The following ALK variants were observed in gnomAD, a reference collection of about 807,000 sequenced individuals.
The protein encoded by ALK is ALK receptor tyrosine kinase.
A neutral mutation model predicts 163.1 loss-of-function variants in ALK; 74 were observed. That is an observed-to-expected ratio of 0.45 (90% CI 0.38 to 0.55). The LOEUF (loss-of-function observed/expected upper bound fraction) is 0.55, where lower values mean the gene tolerates loss of function less well. ALK is among the 20% of genes least tolerant of loss of function. The pLI, the probability that ALK is intolerant of heterozygous loss-of-function variation, is 0.00. For synonymous variants in ALK, 960 were observed against 843.2 expected (o/e 1.14, Z -2.40); for missense variants, 2,063 against 2,105.3 (o/e 0.98, Z 0.39).
chr2:29,437,146 T>C (rs1427712518), intron 4 of ALK, among the ~76,000 whole-genome samples: 11 of 152,174 alleles, frequency 7.2e-5, no homozygotes, highest in Non-Finnish European at 1.3e-4. Flanking sequence ...TTGGGGAGTC[T>C]TGGAGGACAT....
At chr2:29,601,951 G>A (rs1558403642) in intron 3 of ALK, among the ~76,000 whole-genome samples, 1 of 152,074 alleles carries the variant, frequency 6.6e-6, no homozygotes, top group East Asian at 1.9e-4. Flanking sequence ...GACACCTGAA[G>A]GTGGGGGCGG....
intron 3 of ALK, among the ~76,000 whole-genome samples, chr2:29,591,051 A>G (rs1675040947): frequency 7.5e-6 from 1 of 132,698 alleles, no homozygotes; most frequent in African/African-American, 3.0e-5. Context: ...AACCTGGGAG[A>G]CACAGCGAGA....
intron 12 of ALK, among the ~76,000 whole-genome samples, chr2:29,244,673 G>A (rs1664611870): frequency 6.6e-6 from 1 of 152,246 alleles, no homozygotes; most frequent in African/African-American, 2.4e-5. Context: ...GTCACATGGA[G>A]CATCGGTGGT....
At chr2:29,868,853 G>GC (rs1183704219) in intron 1 of ALK, among the ~76,000 whole-genome samples, 1 of 5,668 alleles carries the variant, frequency 1.8e-4, no homozygotes, top group Non-Finnish European at 5.0e-4. Flanking sequence ...TAGCTACTGA[G>GC]GTAACATATA....
intron 4 of ALK, among the ~76,000 whole-genome samples, chr2:29,461,441 T>G (rs1671081336): frequency 1.3e-5 from 2 of 152,208 alleles, no homozygotes; most frequent in African/African-American, 2.4e-5. Context: ...AGTCTGACTC[T>G]TTTGTTAAGG....
At chr2:29,205,407 G>A (rs1170503170) in intron 26 of ALK, among the ~76,000 whole-genome samples, 1 of 151,362 alleles carries the variant, frequency 6.6e-6, no homozygotes, top group Non-Finnish European at 1.5e-5. Context: ...TGTGACTGTT[G>A]TAAAAAACAA....
intron 4 of ALK, among the ~76,000 whole-genome samples, chr2:29,450,608 C>A (rs1670796718): frequency 6.6e-6 from 1 of 152,012 alleles, no homozygotes; most frequent in East Asian, 1.9e-4. Context: ...ATTCTTTAAG[C>A]CTATTTTAAG....
intron 4 of ALK, among the ~76,000 whole-genome samples, chr2:29,511,681 T>C (rs978194035): frequency 6.6e-6 from 1 of 152,196 alleles, no homozygotes; most frequent in Non-Finnish European, 1.5e-5. Flanking sequence ...CTGGGTTGTA[T>C]GGTAGGCATA....
intron 25 of ALK, among the ~76,000 whole-genome samples, chr2:29,209,088 G>T (rs1180949538): frequency 6.6e-6 from 1 of 151,706 alleles, no homozygotes; most frequent in Non-Finnish European, 1.5e-5. Flanking sequence ...GATGCCTGCG[G>T]TGTTAGAAGC....
intron 3 of ALK, among the ~76,000 whole-genome samples, chr2:29,605,051 A>C (rs1675502325): frequency 6.6e-6 from 1 of 152,216 alleles, no homozygotes. Flanking sequence ...AGTCTAAAGA[A>C]AACCATGCTT....
chr2:29,792,840 A>G (rs1468674070), intron 1 of ALK, among the ~76,000 whole-genome samples: 1 of 152,212 alleles, frequency 6.6e-6, no homozygotes, highest in Non-Finnish European at 1.5e-5. Context: ...TATTGCTAAA[A>G]TGGCTGACAA....
At chr2:29,605,121 G>A (rs1018013456) in intron 3 of ALK, among the ~76,000 whole-genome samples, 14 of 152,192 alleles carry the variant, frequency 9.2e-5, no homozygotes, top group African/African-American at 2.9e-4. Flanking sequence ...ATCAGGAACC[G>A]GTTTCGTGGA....
intron 4 of ALK, among the ~76,000 whole-genome samples, chr2:29,493,649 A>T (rs2148126545): frequency 6.6e-6 from 1 of 152,348 alleles, no homozygotes; most frequent in East Asian, 1.9e-4. Context: ...CCTCATCTGT[A>T]TAATGGGGAT....
chr2:29,613,620 T>C (rs944388672), intron 3 of ALK, among the ~76,000 whole-genome samples: 8 of 152,226 alleles, frequency 5.3e-5, no homozygotes, highest in Non-Finnish European at 1.2e-4. Flanking sequence ...CACACATCTA[T>C]ATCTCTTTCA....
chr2:29,846,030 C>G (rs138079465), intron 1 of ALK, among the ~76,000 whole-genome samples: 2 of 152,292 alleles, frequency 1.3e-5, no homozygotes, highest in Admixed American at 6.5e-5. Context: ...ATAGTGTGGC[C>G]CATACATCTG....
rs1165866210 is a variant in ALK at position 29,296,901 on chromosome 2, C to T, written c.1804G>A (p.Asp602Asn). ...CATAGAGCCTACCTGTCAGACACAT[C>T]GAGGAGAGGCAACACCATCCACTGC... ...LWQWMVLPLL[D>N]VSDRFWLQMV... Residue 602 changes from aspartate (D) to asparagine (N), a missense_variant, in exon 9 of 29, where the codon GAT (aspartate) becomes AAT (asparagine). By Grantham distance (23) the Asp-to-Asn change is conservative. This residue lies in a region of ALK where 987 missense variants were observed against 939.5 expected (regional missense o/e 1.05). Coordinates refer to ENST00000389048, the MANE Select transcript of ALK (RefSeq NM_004304.5). The T allele has an allele frequency of 5.6e-6, 9 of 1,614,028 alleles. No homozygotes were observed. Among genetic ancestry groups the T allele is most frequent in the East Asian group, 2.2e-5 (1 of 44,870 alleles).
intron 3 of ALK, among the ~76,000 whole-genome samples, chr2:29,669,379 A>G (rs890900159): frequency 4.0e-5 from 6 of 151,858 alleles, no homozygotes; most frequent in African/African-American, 1.5e-4. Context: ...ACAGTCTTAG[A>G]TTTTTAGTCT....
In ALK at chr2:29,223,447, G is replaced by T. The variant is rs1460007760; in HGVS notation, c.3254C>A (p.Thr1085Asn). The change falls in exon 20 of 29, where the codon ACC becomes AAC. Residue 1085 changes from threonine to asparagine, a missense_variant. Physicochemically the swap from Thr to Asn is moderately conservative, Grantham distance 65. Around this residue, in one of 5 missense-constraint regions of ALK, gnomAD observed 575 missense variants for 626.6 expected, o/e 0.92. Coordinates refer to ENST00000389048, the MANE Select transcript of ALK (RefSeq NM_004304.5). Reference protein sequence around the residue: ...SPEYKLSKLRTSTIMTDYNPN... With the variant: ...SPEYKLSKLRNSTIMTDYNPN... ...GTTGTAGTCGGTCATGATGGTCGAGGTGCGGAGCTTGCTCAGCTTGTACTC... is the reference window on the plus strand; with the variant it reads ...GTTGTAGTCGGTCATGATGGTCGAGTTGCGGAGCTTGCTCAGCTTGTACTC... 6.2e-7 allele frequency: 1 copy of T among 1,614,182 alleles called. No individual in the cohort carries two copies. Among genetic ancestry groups the T allele is most frequent in the Non-Finnish European group, 8.5e-7 (1 of 1,180,036 alleles).
At chr2:29,417,875 C>T (rs1669918284) in intron 4 of ALK, among the ~76,000 whole-genome samples, 1 of 152,108 alleles carries the variant, frequency 6.6e-6, no homozygotes, top group African/African-American at 2.4e-5. Flanking sequence ...TGCTTTAGAC[C>T]CGAACGCATT....
Sources: gnomAD v4.1 joint callset for allele counts (sites outside exome capture counted in the v4.1 genomes callset) on GRCh38, gnomAD v4.1.1 for gene constraint, gnomAD v4.1.1 regional missense constraint, MANE v1.5 for transcripts, NCBI Gene and HGNC (gene_info 2026-07-23, HGNC 2026-07-21) for gene names.